Variants in MYCBPAP observed in about 807,000 individuals in gnomAD.
MYCBPAP encodes the protein MYCBP-associated protein.
Under a neutral mutation model 106.1 loss-of-function variants are expected in MYCBPAP, and 60 were observed. The observed-to-expected ratio is 0.57, with a 90% CI of 0.46 to 0.70. The LOEUF is 0.70. MYCBPAP is among the 30% of genes least tolerant of loss of function. The pLI, the probability that MYCBPAP is intolerant of heterozygous loss-of-function variation, is 0.00. For synonymous variants in MYCBPAP, 407 were observed against 440.6 expected, an observed-to-expected ratio of 0.92 and a Z score of 0.95; for missense variants, 1,064 against 1,169.3, an observed-to-expected ratio of 0.91 and a Z score of 1.31.
At chr17:50,524,190 CA>C (rs1567892630) in intron 12 of MYCBPAP, among the ~76,000 whole-genome samples, 3 of 152,152 alleles carry the variant, frequency 2.0e-5, no homozygotes, top group Admixed American at 2.0e-4. Flanking sequence ...TACATAGCAG[CA>C]TGAGTCTGCC....
At chr17:50,529,275 C>T (rs558199738) in intron 18 of MYCBPAP, 87 bp downstream of exon 18, 3 of 1,296,736 alleles carry the variant, frequency 2.3e-6, no homozygotes, top group South Asian at 2.8e-5. Context: ...GTGCCCACTC[C>T]ATCATGGTGG....
chr17:50,528,642 A>G, intron 16 of MYCBPAP, 53 bp from the exon 17 acceptor site: 2 of 1,592,704 alleles, frequency 1.3e-6, no homozygotes, highest in Non-Finnish European at 1.7e-6. Context: ...TACCTGCAGC[A>G]TCCACTAGGC....
chr17:50,518,724 G>C lies in MYCBPAP; in HGVS notation c.652G>C (p.Glu218Gln). 6.3e-7 allele frequency: 1 copy of C among 1,577,044 alleles called. No individual in the cohort carries two copies. Among genetic ancestry groups the C allele is most frequent in the Non-Finnish European group, 8.6e-7 (1 of 1,165,134 alleles). ...LRKKQQEALS[E>Q]HLKKPVSELL... ...GAAGAAGCAGCAGGAAGCCCTCAGCGGTGAGCAGAGCAGACAGGGCTCCCG... is the reference window on the plus strand; with the variant it reads ...GAAGAAGCAGCAGGAAGCCCTCAGCCGTGAGCAGAGCAGACAGGGCTCCCG... Residue 218 changes from glutamate (E) to glutamine (Q), a missense_variant and splice_region_variant, in exon 5 of 19, where the codon GAA (glutamate) becomes CAA (glutamine). Physicochemically the swap from Glu to Gln is conservative, Grantham distance 29. Transcript: ENST00000323776.
chr17:50,519,117 G>A (rs1261954486), intron 6 of MYCBPAP, 28 bp downstream of exon 6: 2 of 1,548,576 alleles, frequency 1.3e-6, no homozygotes, highest in Admixed American at 1.7e-5. Flanking sequence ...AAGTGCCCGG[G>A]GGCAGGGGGG....
At position 50,523,090 on chromosome 17, in the gene MYCBPAP, A is replaced by G; in HGVS notation, c.1409A>G (p.Lys470Arg). ...CCGGACACTTTCCAAGACCTTAAGA[A>G]AAACAGGATGCAGCGATTTTACTTT... Reference protein sequence around the residue: ...HQPDTFQDLKKNRMQRFYFDN... With the variant: ...HQPDTFQDLKRNRMQRFYFDN... The change falls in exon 11 of 19, where the codon AAA (lysine) becomes AGA (arginine). Residue 470 changes from lysine (K) to arginine (R), a missense_variant. Physicochemically the swap from Lys to Arg is conservative, Grantham distance 26. Transcript: ENST00000323776. 1 of 1,614,078 alleles carries G rather than the reference A, an allele frequency of 6.2e-7. No individual in the cohort carries two copies. The highest frequency in any genetic ancestry group is 1.6e-4 in the Middle Eastern group (1 of 6,062).
At position 50,521,298 on chromosome 17, in the gene MYCBPAP, T is replaced by G. The variant is rs1451002903; in HGVS notation, c.1033-18T>G. The G allele has an allele frequency of 1.9e-6, 3 of 1,594,980 alleles. No individual in the cohort carries two copies. Among genetic ancestry groups the G allele is most frequent in the Admixed American group, 3.5e-5 (2 of 57,358 alleles). On this transcript the variant is annotated intron_variant, in intron 8 of 18. Transcript: ENST00000323776. ...CTGTCTTCAGTCAGCTCATCTTACC[T>G]TTCTCCATCTCTCGGAGGATATTGA...
At chr17:50,526,418 T>TATC (rs2034464280) in intron 14 of MYCBPAP, 151 bp downstream of exon 14, 2 of 410,144 alleles carry the variant, frequency 4.9e-6, no homozygotes, top group African/African-American at 2.4e-5. Context: ...ATCTATCTAT[T>TATC]TATTTATTTA....
In MYCBPAP at chr17:50,527,393, T is replaced by C; in HGVS notation, c.2276T>C (p.Leu759Pro). The C allele has an allele frequency of 6.2e-7, 1 of 1,613,934 alleles. No homozygotes were observed. Among genetic ancestry groups the C allele is most frequent in the South Asian group, 1.1e-5 (1 of 91,062 alleles). ...AAGCCAAGGCCATTGCAGTCCAACC[T>C]CCTGCACCAGATGTGGTAGGTGCCC... ...CQKPRPLQSN[L>P]LHQMCLQLWR... The change falls in exon 15 of 19, where the codon CTC becomes CCC. Residue 759 changes from leucine to proline, a missense_variant. By Grantham distance (98) the Leu-to-Pro change is moderately conservative. Coordinates refer to ENST00000323776, the MANE Select transcript of MYCBPAP (RefSeq NM_032133.6).
At chr17:50,530,133 GTAAT>G (rs2034586866) in intron 18 of MYCBPAP, 2 of 364,946 alleles carry the variant, frequency 5.5e-6, no homozygotes, top group Non-Finnish European at 1.1e-5. Context: ...GGTCTAGAAA[GTAAT>G]TAAAGGGCTC....
At chr17:50,521,665 T>C (rs547274970) in intron 9 of MYCBPAP, among the ~76,000 whole-genome samples, 1 of 152,282 alleles carries the variant, frequency 6.6e-6, no homozygotes, top group South Asian at 2.1e-4. Context: ...CCCTTGCTGG[T>C]CAACTGAGGG....
At chr17:50,529,815 C>T (rs746883526) in intron 18 of MYCBPAP, 3 of 456,626 alleles carry the variant, frequency 6.6e-6, no homozygotes, top group South Asian at 4.6e-5. Context: ...AGGGTGCATT[C>T]CCATCAACTG....
intron 2 of MYCBPAP, among the ~76,000 whole-genome samples, chr17:50,517,084 C>T (rs1474565859): frequency 6.6e-6 from 1 of 151,766 alleles, no homozygotes; most frequent in Non-Finnish European, 1.5e-5. Context: ...TGTCTGGAGG[C>T]ATAAGATGTT....
At position 50,529,125 on chromosome 17, in the gene MYCBPAP, C is replaced by T; in HGVS notation, c.2661C>T (p.Leu887=). The change falls in exon 18 of 19, where the codon CTC becomes CTT. Residue 887 remains leucine (L), a synonymous_variant. Transcript: ENST00000323776. ...SLEDPTPDII[L]SSQEPIDPLV... ...AAGACCCTACCCCTGACATCATCCT[C>T]TCTTCTCAAGAACCCATAGACCCCC... The T allele has an allele frequency of 6.2e-7, 1 of 1,614,008 alleles. No homozygotes were observed. Among genetic ancestry groups the T allele is most frequent in the East Asian group, 2.2e-5 (1 of 44,890 alleles).
intron 7 of MYCBPAP, 112 bp from the exon 8 acceptor site, chr17:50,520,998 T>A (rs1367696486): frequency 1.3e-6 from 1 of 795,260 alleles, no homozygotes; most frequent in African/African-American, 1.7e-5. Context: ...GCTGTATTTT[T>A]AGTCCTTCCT....
chr17:50,516,974 C>T (rs1038922093), intron 2 of MYCBPAP, among the ~76,000 whole-genome samples: 7 of 152,112 alleles, frequency 4.6e-5, no homozygotes, highest in African/African-American at 1.4e-4. Flanking sequence ...TTTCACAGAC[C>T]GGAGGATGAG....
Position 50,530,497 on chromosome 17 carries a change from C to CAAAAAAAA in MYCBPAP, c.2725-828_2725-821dup, listed in dbSNP as rs10526790. Among the ~76,000 whole-genome samples, 88 of 105,906 alleles carry CAAAAAAAA rather than the reference C, an allele frequency of 8.3e-4. 10 individuals are homozygous for CAAAAAAAA. The highest frequency in any genetic ancestry group is 1.0e-3 in the Non-Finnish European group (55 of 54,336). The allele number at this position is 105,906 out of a possible 152,430, so 69.5% of individuals were successfully genotyped here. ...GTGACAAGAGTGAGACTCTTACCTC[C>CAAAAAAAA]AAAAAAAAAGAATCAACTTGCTGGC... On this transcript the variant is annotated intron_variant, in intron 18 of 18. Transcript: ENST00000323776.
In MYCBPAP at chr17:50,522,078, CAA is replaced by C. The variant is rs1185033889; in HGVS notation, c.1255_1256del (p.Lys419GlufsTer12). The C allele has an allele frequency of 6.2e-7, 1 of 1,613,262 alleles. No homozygotes were observed. The highest frequency in any genetic ancestry group is 8.5e-7 in the Non-Finnish European group (1 of 1,179,528). On this transcript the variant is annotated frameshift_variant and splice_region_variant, in exon 10 of 19. Coordinates refer to ENST00000323776, the MANE Select transcript of MYCBPAP (RefSeq NM_032133.6). LOFTEE classifies it high-confidence loss of function. ...CWIRGSNPQD[K>X]RQVGIAAHLT... The stretch of plus-strand genomic sequence containing the variant: ...GGATCAGAGGCAGTAATCCACAGGA[CAA>C]GGTAAAACAGCCTCCACCACACCTG...
rs576821846 is a variant in MYCBPAP at position 50,524,206 on chromosome 17, G to A, written c.1635+422G>A. On this transcript the variant is annotated intron_variant, in intron 12 of 18. Coordinates refer to ENST00000323776, the MANE Select transcript of MYCBPAP (RefSeq NM_032133.6). ...ACATAGCAGCATGAGTCTGCCCACC[G>A]TCCCACTCAATCAGCTGACAACTCG... Among the ~76,000 whole-genome samples, 23 of 152,300 alleles carry A rather than the reference G, an allele frequency of 1.5e-4. No individual in the cohort carries two copies. The South Asian group carries it at 2.1e-3, about 14-fold the overall frequency.
At chr17:50,520,053 T>C in intron 7 of MYCBPAP, 1 of 384,428 alleles carries the variant, frequency 2.6e-6, no homozygotes, top group Non-Finnish European at 4.7e-6. Flanking sequence ...ATGCCGCTGG[T>C]GAGCGCCTGG....
Sources: allele counts gnomAD v4.1 joint callset (sites outside exome capture counted in the v4.1 genomes callset), GRCh38; gene constraint gnomAD v4.1.1; transcripts MANE v1.5; gene names NCBI Gene and HGNC (gene_info 2026-07-23, HGNC 2026-07-21).